AK3: variants seen among roughly 807,000 people sequenced by gnomAD.
AK3 encodes the protein GTP:AMP phosphotransferase AK3, mitochondrial.
AK3 carries 27 observed loss-of-function variants against 23.7 expected under a neutral mutation model. The observed-to-expected ratio is 1.14, with a 90% confidence interval of 0.84 to 1.57. AK3 has a LOEUF of 1.57. Ranked by LOEUF, AK3 falls within the 40% of genes most tolerant of loss-of-function variation. AK3 has a pLI of 0.00. For synonymous variants in AK3, 159 were observed against 116.0 expected (o/e 1.37, Z -2.38); for missense variants, 406 against 285.6 (o/e 1.42, Z -3.04).
chr9:4,724,259 G>GA (rs926176992), intron 1 of AK3, among the ~76,000 whole-genome samples: 20 of 150,160 alleles, frequency 1.3e-4, no homozygotes, highest in East Asian at 5.9e-4. Flanking sequence ...ACAGCATTTG[G>GA]AAAAAAAAAT....
intron 1 of AK3, among the ~76,000 whole-genome samples, chr9:4,728,343 G>A (rs1278105163): frequency 2.4e-4 from 37 of 152,206 alleles, no homozygotes; most frequent in Admixed American, 2.4e-3. Context: ...GGCCGAGGCA[G>A]GCGCATCACT....
chr9:4,740,894 C>A (rs1009226807), intron 1 of AK3, 43 bp downstream of exon 1: 7 of 1,462,006 alleles, frequency 4.8e-6, no homozygotes, highest in African/African-American at 4.4e-5. Context: ...GAAGTCCGAC[C>A]CGGGTGACAG....
intron 4 of AK3, among the ~76,000 whole-genome samples, chr9:4,714,634 C>T (rs984216705): frequency 1.3e-5 from 2 of 152,120 alleles, no homozygotes; most frequent in Admixed American, 6.5e-5. Context: ...TTGCAGGCAC[C>T]TATTCGATCC....
At chr9:4,721,355 A>T (rs943434321) in intron 2 of AK3, among the ~76,000 whole-genome samples, 30 of 151,228 alleles carry the variant, frequency 2.0e-4, no homozygotes, top group African/African-American at 7.0e-4. Context: ...GTGAGAGGAG[A>T]TCGCACCATC....
intron 1 of AK3, among the ~76,000 whole-genome samples, chr9:4,736,657 A>T (rs1842300723): frequency 6.6e-6 from 1 of 151,972 alleles, no homozygotes. Flanking sequence ...GAGATTCATA[A>T]GGGTTGGCCG....
At chr9:4,733,748 C>G (rs1842207802) in intron 1 of AK3, among the ~76,000 whole-genome samples, 1 of 152,144 alleles carries the variant, frequency 6.6e-6, no homozygotes, top group African/African-American at 2.4e-5. Context: ...TTCTCCTCCT[C>G]CCTCATCCTC....
intron 1 of AK3, among the ~76,000 whole-genome samples, chr9:4,722,986 G>A (rs544525606): frequency 1.3e-5 from 2 of 152,268 alleles, no homozygotes; most frequent in African/African-American, 2.4e-5. Context: ...CGGGGGAATC[G>A]CTTGAACCCA....
intron 1 of AK3, among the ~76,000 whole-genome samples, chr9:4,728,846 TATATATATATATATATATATAC>T (rs141868073): frequency 1.4e-4 from 4 of 28,276 alleles, no homozygotes; most frequent in African/African-American, 3.3e-4. Context: ...TATATATATA[TATATATATATATATATATATAC>T]ACACACACAC....
chr9:4,727,557 C>G (rs1326799886), intron 1 of AK3, among the ~76,000 whole-genome samples: 1 of 152,210 alleles, frequency 6.6e-6, no homozygotes, highest in Non-Finnish European at 1.5e-5. Context: ...GGGCCTTGCT[C>G]TGGACTGGGC....
chr9:4,733,227 T>C (rs1248800160), intron 1 of AK3, among the ~76,000 whole-genome samples: 1 of 152,092 alleles, frequency 6.6e-6, no homozygotes, highest in African/African-American at 2.4e-5. Context: ...TTAGCATCAT[T>C]ATAAATGACA....
intron 2 of AK3, 90 bp from the exon 3 acceptor site, chr9:4,719,397 A>G: frequency 8.9e-7 from 1 of 1,122,766 alleles, no homozygotes; most frequent in South Asian, 1.6e-5. Context: ...AAAGAAAAAG[A>G]AAGAATTAAT....
chr9:4,736,488 C>A (rs66510030), intron 1 of AK3, among the ~76,000 whole-genome samples: 1,443 of 23,206 alleles, frequency 0.062, 42 homozygotes, highest in South Asian at 0.11. Flanking sequence ...AAAAAAAAAA[C>A]AACTCCGCTT....
intron 4 of AK3, among the ~76,000 whole-genome samples, chr9:4,715,482 C>A (rs1261416150): frequency 6.6e-6 from 1 of 150,426 alleles, no homozygotes. Context: ...GCAGTCTTGA[C>A]CCACTGGGTC....
Position 4,711,479 on chromosome 9 carries a change from G to C in AK3, c.*1497C>G, listed in dbSNP as rs933398518. The C allele has an allele frequency of 1.3e-5, 2 of 152,504 alleles. No individual in the cohort carries two copies. The highest frequency in any genetic ancestry group is 4.8e-5 in the African/African-American group (2 of 41,406). 9.4% of individuals were successfully genotyped at this position (152,504 alleles called of 1,614,324 possible). A position where few individuals can be genotyped will look rare whatever the true frequency, so the allele number is the denominator to read the frequency against. On this transcript the variant is annotated 3_prime_UTR_variant, in exon 5 of 5. Transcript: ENST00000381809. ...CCTTGGTTCATCTTGAAAGATCGAT[G>C]AATTTTTTAAATATCAGAAGAAAAG...
At chr9:4,740,914 G>C (rs764448561) in intron 1 of AK3, 23 bp downstream of exon 1, 4 of 1,509,330 alleles carry the variant, frequency 2.7e-6, no homozygotes, top group East Asian at 5.4e-5. Flanking sequence ...GCGCACGGCC[G>C]GCCCTGGGCC....
rs1205711486 is a variant in AK3, at chr9:4,733,258, G to A, written c.151+7679C>T. ...TGACATAAAACTTAACTTTAAAAATGTGTCAGAACAAAACAAAACTAGGAG... is the reference window on the plus strand; with the variant it reads ...TGACATAAAACTTAACTTTAAAAATATGTCAGAACAAAACAAAACTAGGAG... On this transcript the variant is annotated intron_variant, in intron 1 of 4. Coordinates refer to ENST00000381809, the MANE Select transcript of AK3 (RefSeq NM_016282.4). Among the ~76,000 whole-genome samples, 4 of 152,094 alleles carry A rather than the reference G, an allele frequency of 2.6e-5. No individual in the cohort carries two copies. In the South Asian group the frequency reaches 8.3e-4, roughly 32 times the overall value.
intron 4 of AK3, among the ~76,000 whole-genome samples, chr9:4,716,311 C>A (rs1485094958): frequency 6.6e-6 from 1 of 152,152 alleles, no homozygotes; most frequent in Non-Finnish European, 1.5e-5. Flanking sequence ...TCTAATTGTC[C>A]ATGTGGACCA....
At chr9:4,740,232 A>G (rs1391275882) in intron 1 of AK3, among the ~76,000 whole-genome samples, 1 of 152,216 alleles carries the variant, frequency 6.6e-6, no homozygotes, top group Non-Finnish European at 1.5e-5. Flanking sequence ...CAACCCTCTT[A>G]AGAGAGAATT....
In AK3 at chr9:4,710,280, T is replaced by G. The variant is rs1030657285; in HGVS notation, c.*2696A>C. The G allele has an allele frequency of 6.6e-6, 1 of 152,114 alleles. No homozygotes were observed. Among genetic ancestry groups the G allele is most frequent in the East Asian group, 1.9e-4 (1 of 5,188 alleles). The allele number at this position is 152,114 out of a possible 1,614,324, so 9.4% of individuals were successfully genotyped here. On this transcript the variant is annotated 3_prime_UTR_variant, in exon 5 of 5. Coordinates refer to ENST00000381809, the MANE Select transcript of AK3 (RefSeq NM_016282.4). Reference sequence around the variant, plus strand: ...TGGAGTGCAGTGGCACGATCTCAGCTCACTGCAACCTCCGCCTCCCGGATT... The same window carrying G: ...TGGAGTGCAGTGGCACGATCTCAGCGCACTGCAACCTCCGCCTCCCGGATT...
Sources: allele counts gnomAD v4.1 joint callset (sites outside exome capture counted in the v4.1 genomes callset), GRCh38; gene constraint gnomAD v4.1.1; transcripts MANE v1.5; gene names NCBI Gene and HGNC (gene_info 2026-07-23, HGNC 2026-07-21).